The following ANKDD1B variants were observed in gnomAD, a reference collection of about 807,000 sequenced individuals.
The protein encoded by ANKDD1B is ankyrin repeat and death domain-containing protein 1B.
A neutral mutation model predicts 59.7 loss-of-function variants in ANKDD1B; 57 were observed. That is an observed-to-expected ratio of 0.95 (90% CI 0.77 to 1.19). The LOEUF is 1.19. Among genes scored for constraint, ANKDD1B ranks in the 50% most tolerant of loss-of-function variants. The probability of loss-of-function intolerance (pLI) is 0.00; values close to 1 mark genes in which losing one functional copy is unlikely to be tolerated. For synonymous variants in ANKDD1B, 216 were observed against 239.5 expected (o/e 0.90, Z 0.91); for missense variants, 602 against 641.9 (o/e 0.94, Z 0.67).
intron 7 of ANKDD1B, among the ~76,000 whole-genome samples, chr5:75,648,587 C>T (rs1387360711): frequency 1.3e-5 from 2 of 152,208 alleles, no homozygotes. Context: ...CCAGTGGTCT[C>T]AGCTGCTCTA....
At chr5:75,663,255 A>G (rs1484739288) in intron 10 of ANKDD1B, 139 bp from the exon 11 acceptor site, 1 of 651,670 alleles carries the variant, frequency 1.5e-6, no homozygotes, top group Non-Finnish European at 2.7e-6. Context: ...TAAAGACCCA[A>G]AGAAGCAAAG....
Position 75,656,146 on chromosome 5 carries a change from A to G in ANKDD1B, c.996+19A>G, listed in dbSNP as rs1230394066. On this transcript the variant is annotated intron_variant, in intron 9 of 13. Coordinates refer to ENST00000601380, the MANE Select transcript of ANKDD1B (RefSeq NM_001276713.2). ...AAATCAGGTAAGCCAGGCAAATCAG[A>G]GCCTGGAGGGTCTCTTTTCTTAGTT... The G allele has an allele frequency of 2.4e-6, 3 of 1,229,544 alleles. No homozygotes were observed. In the Admixed American group the frequency reaches 6.5e-5, roughly 27 times the overall value. 76.2% of individuals were successfully genotyped at this position (1,229,544 alleles called of 1,614,324 possible).
At chr5:75,621,900 A>T (rs1773857333) in intron 3 of ANKDD1B, among the ~76,000 whole-genome samples, 1 of 152,234 alleles carries the variant, frequency 6.6e-6, no homozygotes, top group Non-Finnish European at 1.5e-5. Context: ...AAATAATGTC[A>T]GGTGGGAAAT....
intron 10 of ANKDD1B, among the ~76,000 whole-genome samples, chr5:75,662,656 C>T (rs1278070067): frequency 3.9e-5 from 6 of 152,102 alleles, no homozygotes; most frequent in East Asian, 1.9e-4. Context: ...TTGCAAAGCT[C>T]TATGCCCTGG....
At chr5:75,622,601 CT>C (rs1053994571) in intron 3 of ANKDD1B, among the ~76,000 whole-genome samples, 3 of 152,190 alleles carry the variant, frequency 2.0e-5, no homozygotes, top group Admixed American at 2.0e-4. Context: ...ATAAAAACAT[CT>C]GCTGACAAAG....
intron 1 of ANKDD1B, among the ~76,000 whole-genome samples, chr5:75,613,641 T>C (rs1773632180): frequency 6.6e-6 from 1 of 152,112 alleles, no homozygotes; most frequent in Non-Finnish European, 1.5e-5. Context: ...TAAATTCAGA[T>C]ATTTGAGGAG....
At chr5:75,613,962 C>T (rs1183203592) in intron 1 of ANKDD1B, among the ~76,000 whole-genome samples, 2 of 152,166 alleles carry the variant, frequency 1.3e-5, no homozygotes, top group African/African-American at 2.4e-5. Context: ...CCTGTCTTTA[C>T]ATTTAAAAGA....
At chr5:75,639,247 A>C (rs1561440135) in intron 7 of ANKDD1B, among the ~76,000 whole-genome samples, 2 of 152,066 alleles carry the variant, frequency 1.3e-5, no homozygotes, top group African/African-American at 4.8e-5. Flanking sequence ...CCCAGGCGGG[A>C]GTACAATGGT....
At chr5:75,652,267 CAT>C (rs1774853105) in intron 7 of ANKDD1B, among the ~76,000 whole-genome samples, 1 of 152,170 alleles carries the variant, frequency 6.6e-6, no homozygotes, top group Non-Finnish European at 1.5e-5. Context: ...AGAGTTTCAA[CAT>C]ATGAATTTTG....
intron 5 of ANKDD1B, among the ~76,000 whole-genome samples, chr5:75,631,721 G>A (rs1343181597): frequency 1.3e-5 from 2 of 152,212 alleles, no homozygotes; most frequent in Non-Finnish European, 2.9e-5. Context: ...CTGACAAGCT[G>A]TAATTTGTGC....
At chr5:75,669,209 C>A (rs1775400258) in intron 12 of ANKDD1B, 43 bp from the exon 13 acceptor site, 1 of 1,231,142 alleles carries the variant, frequency 8.1e-7, no homozygotes, top group Non-Finnish European at 1.0e-6. Flanking sequence ...AAAGAGATAG[C>A]AGCTCGTGGT....
At chr5:75,630,297 G>C (rs958811709) in intron 5 of ANKDD1B, among the ~76,000 whole-genome samples, 1 of 152,178 alleles carries the variant, frequency 6.6e-6, no homozygotes, top group African/African-American at 2.4e-5. Flanking sequence ...TACTCAATGA[G>C]AGAAAAGATT....
chr5:75,638,688 T>G (rs1347772699), intron 7 of ANKDD1B, among the ~76,000 whole-genome samples: 1 of 152,202 alleles, frequency 6.6e-6, no homozygotes, highest in Non-Finnish European at 1.5e-5. Context: ...CTCATTATGT[T>G]GGTCAGGCTG....
chr5:75,653,084 G>A, intron 7 of ANKDD1B, 58 bp from the exon 8 acceptor site: 1 of 1,214,768 alleles, frequency 8.2e-7, no homozygotes, highest in Non-Finnish European at 1.2e-6. Flanking sequence ...ATAAACACCA[G>A]AAAACATGCT....
chr5:75,625,893 G>C lies in ANKDD1B; in HGVS notation c.538G>C (p.Val180Leu), dbSNP rs1390028872. The stretch of plus-strand genomic sequence containing the variant: ...CCACTTTGCCACTCAGAGCAATCAT[G>C]TGCGCATCGTGGAGTATCTTATTCA... ...ALHFATQSNH[V>L]RIVEYLIQDL... The change falls in exon 5 of 14, where the codon GTG (valine) becomes CTG (leucine). Residue 180 changes from valine (V) to leucine (L), a missense_variant. By Grantham distance (32) the Val-to-Leu change is conservative. This residue lies in a region of ANKDD1B where 317 missense variants were observed against 304.6 expected (regional missense o/e 1.04). Transcript: ENST00000601380. 2.5e-5 allele frequency: 38 copies of C among 1,536,240 alleles called. No homozygotes were observed. Among genetic ancestry groups the C allele is most frequent in the Non-Finnish European group, 3.1e-5 (36 of 1,146,900 alleles).
chr5:75,641,704 A>AT (rs1774468476), intron 7 of ANKDD1B, among the ~76,000 whole-genome samples: 2 of 152,252 alleles, frequency 1.3e-5, no homozygotes, highest in African/African-American at 4.8e-5. Context: ...AACACGCAAG[A>AT]ATAAATTCCC....
chr5:75,612,497 T>G (rs983449718), intron 1 of ANKDD1B, among the ~76,000 whole-genome samples: 2 of 152,050 alleles, frequency 1.3e-5, no homozygotes, highest in Non-Finnish European at 2.9e-5. Context: ...CCAAGCCTAC[T>G]GGCTGGGACG....
At chr5:75,660,558 G>A (rs918037754) in intron 10 of ANKDD1B, among the ~76,000 whole-genome samples, 4 of 152,196 alleles carry the variant, frequency 2.6e-5, no homozygotes, top group Admixed American at 6.5e-5. Flanking sequence ...TTTAAAGAAG[G>A]ACAATTTTGT....
rs935049291 is a variant in ANKDD1B, at chr5:75,666,641, A to T, written c.1192-151A>T. 4.0e-5 allele frequency: 20 copies of T among 499,508 alleles called. No homozygotes were observed. The African/African-American group carries it at 7.1e-4, about 18-fold the overall frequency. 30.9% of individuals were successfully genotyped at this position (499,508 alleles called of 1,614,324 possible). On this transcript the variant is annotated intron_variant, in intron 11 of 13. Coordinates refer to ENST00000601380, the MANE Select transcript of ANKDD1B (RefSeq NM_001276713.2). ...TTTCCATTTTGGATGGCAAAAAAAA[A>T]AAATATATATATGATCCAGTGACAG...
Sources: allele counts gnomAD v4.1 joint callset (sites outside exome capture counted in the v4.1 genomes callset), GRCh38; gene constraint gnomAD v4.1.1; regional missense constraint gnomAD v4.1.1; transcripts MANE v1.5; gene names NCBI Gene and HGNC (gene_info 2026-07-23, HGNC 2026-07-21).